The following ANKRD6 variants were observed in gnomAD, a reference collection of about 807,000 sequenced individuals.
ANKRD6 encodes ankyrin repeat domain 6.
A neutral mutation model predicts 82.3 loss-of-function variants in ANKRD6; 56 were observed. The observed-to-expected ratio is 0.68, with a 90% CI of 0.55 to 0.85. The LOEUF is 0.85. ANKRD6 is among the 40% of genes least tolerant of loss of function. ANKRD6 has a pLI of 0.00. For missense variants in ANKRD6, 852 were observed against 907.6 expected (o/e 0.94, Z 0.79); for synonymous variants, 347 against 352.1 (o/e 0.99, Z 0.16).
At chr6:89,485,943 T>C (rs1351405440) in intron 1 of ANKRD6, among the ~76,000 whole-genome samples, 1 of 152,214 alleles carries the variant, frequency 6.6e-6, no homozygotes, top group East Asian at 1.9e-4. Flanking sequence ...ACCTGAAGCA[T>C]GCGTTTTAAT....
chr6:89,540,476 G>C (rs1404240766), intron 1 of ANKRD6, among the ~76,000 whole-genome samples: 1 of 152,030 alleles, frequency 6.6e-6, no homozygotes, highest in Non-Finnish European at 1.5e-5. Context: ...TGGATTGTTA[G>C]ATTATTTTCC....
At chr6:89,449,029 C>CA (rs368751340) in intron 1 of ANKRD6, among the ~76,000 whole-genome samples, 3,193 of 50,780 alleles carry the variant, frequency 0.063, 215 homozygotes, top group African/African-American at 0.18. Context: ...GACTCCGTCT[C>CA]AAAAAAAAAA....
intron 1 of ANKRD6, among the ~76,000 whole-genome samples, chr6:89,528,827 T>C (rs1270751119): frequency 6.6e-6 from 1 of 152,248 alleles, no homozygotes; most frequent in Non-Finnish European, 1.5e-5. Context: ...TACATCTCCA[T>C]CAGAGCTCTT....
intron 1 of ANKRD6, among the ~76,000 whole-genome samples, chr6:89,504,254 T>G (rs182336124): frequency 5.9e-5 from 9 of 152,022 alleles, no homozygotes; most frequent in Admixed American, 5.2e-4. Flanking sequence ...GGGAGAATGA[T>G]CGTATCCATT....
chr6:89,523,095 A>T (rs1301082972), intron 1 of ANKRD6, among the ~76,000 whole-genome samples: 1 of 152,282 alleles, frequency 6.6e-6, no homozygotes. Flanking sequence ...AGTTTGTTTT[A>T]TTCTCACTTA....
chr6:89,447,936 C>T (rs1308876357), intron 1 of ANKRD6, among the ~76,000 whole-genome samples: 6 of 151,572 alleles, frequency 4.0e-5, no homozygotes, highest in Non-Finnish European at 8.8e-5. Flanking sequence ...ATCCGCCTGC[C>T]TCGGCCTCCC....
chr6:89,528,625 A>G (rs1562728405), intron 1 of ANKRD6, among the ~76,000 whole-genome samples: 1 of 152,218 alleles, frequency 6.6e-6, no homozygotes, highest in Non-Finnish European at 1.5e-5. Flanking sequence ...TCCTAATGGC[A>G]TCTAGAATGT....
At chr6:89,544,020 A>G (rs1583191232) in intron 1 of ANKRD6, among the ~76,000 whole-genome samples, 1 of 152,210 alleles carries the variant, frequency 6.6e-6, no homozygotes, top group South Asian at 2.1e-4. Flanking sequence ...AACAGAGGAC[A>G]AAACCACTGA....
Position 89,567,019 on chromosome 6 carries a change from C to T in ANKRD6, c.43C>T (p.Leu15Phe). The change falls in exon 2 of 16, where the codon CTC becomes TTC. Residue 15 changes from leucine to phenylalanine, a missense_variant. Leu to Phe is a conservative substitution (Grantham distance 22). Coordinates refer to ENST00000339746, the MANE Select transcript of ANKRD6 (RefSeq NM_001242809.2). ...GGTCGCTGCACTTTCAGAGCGCCTT[C>T]TCGTAGCTGCGTACAAAGGCCAAAC... ...DAVAALSERL[L>F]VAAYKGQTEN... The T allele has an allele frequency of 6.2e-7, 1 of 1,605,876 alleles. No homozygotes were observed. Among genetic ancestry groups the T allele is most frequent in the Non-Finnish European group, 8.5e-7 (1 of 1,176,048 alleles).
At chr6:89,495,598 C>T (rs1778515489) in intron 1 of ANKRD6, among the ~76,000 whole-genome samples, 2 of 152,024 alleles carry the variant, frequency 1.3e-5, no homozygotes, top group Non-Finnish European at 2.9e-5. Context: ...TAGGGAAGCC[C>T]TACTTTCTTA....
chr6:89,606,908 G>A (rs1798761264), intron 5 of ANKRD6, among the ~76,000 whole-genome samples: 1 of 151,986 alleles, frequency 6.6e-6, no homozygotes, highest in South Asian at 2.1e-4. Flanking sequence ...AGTGGCTTAT[G>A]CCTGTAATCC....
chr6:89,507,171 G>T (rs770847094), intron 1 of ANKRD6, among the ~76,000 whole-genome samples: 1 of 152,108 alleles, frequency 6.6e-6, no homozygotes, highest in Non-Finnish European at 1.5e-5. Flanking sequence ...ATTTTGGTTT[G>T]TTTATATTTG....
chr6:89,542,325 G>A (rs1784536840), intron 1 of ANKRD6, among the ~76,000 whole-genome samples: 1 of 152,140 alleles, frequency 6.6e-6, no homozygotes, highest in Non-Finnish European at 1.5e-5. Context: ...TCTAGTTGCT[G>A]CTTGTCTCTT....
intron 1 of ANKRD6, among the ~76,000 whole-genome samples, chr6:89,452,906 TTTC>T (rs1208679712): frequency 6.6e-6 from 1 of 152,206 alleles, no homozygotes; most frequent in Non-Finnish European, 1.5e-5. Context: ...TTCTGTGGCT[TTTC>T]TTTTCTTTTT....
intron 1 of ANKRD6, among the ~76,000 whole-genome samples, chr6:89,556,771 G>C (rs1005740305): frequency 6.6e-6 from 1 of 152,166 alleles, no homozygotes; most frequent in African/African-American, 2.4e-5. Flanking sequence ...GGCGGGCATT[G>C]AATAAAATGT....
Position 89,632,738 on chromosome 6 carries a change from C to T in ANKRD6, c.*1734C>T, listed in dbSNP as rs1807655346. The T allele has an allele frequency of 6.6e-6, 1 of 152,174 alleles. No individual in the cohort carries two copies. The highest frequency in any genetic ancestry group is 2.1e-4 in the South Asian group (1 of 4,830). The allele number at this position is 152,174 out of a possible 1,614,324, so 9.4% of individuals were successfully genotyped here. On this transcript the variant is annotated 3_prime_UTR_variant, in exon 16 of 16. Transcript: ENST00000339746. ...GACTCATTAGATTGCAATATAGAGG[C>T]ACTTTCTCATTTCCCTATTGTTCCT...
At chr6:89,511,023 G>C (rs1433861115) in intron 1 of ANKRD6, among the ~76,000 whole-genome samples, 4 of 152,178 alleles carry the variant, frequency 2.6e-5, no homozygotes, top group South Asian at 2.1e-4. Flanking sequence ...AGAGACTTCT[G>C]TGTCAGGGCT....
At chr6:89,625,059 G>C (rs993037913) in intron 13 of ANKRD6, among the ~76,000 whole-genome samples, 2 of 152,160 alleles carry the variant, frequency 1.3e-5, no homozygotes, top group Non-Finnish European at 2.9e-5. Context: ...AAGGCAGGCA[G>C]ATCACTTGAG....
At chr6:89,576,206 C>T (rs56405258) in intron 2 of ANKRD6, among the ~76,000 whole-genome samples, 50,160 of 151,950 alleles carry the variant, frequency 0.33, 8,551 homozygotes, top group South Asian at 0.59. Flanking sequence ...CGCCTGCCAC[C>T]ACGCCTGGCT....
Sources: allele counts gnomAD v4.1 joint callset (sites outside exome capture counted in the v4.1 genomes callset), GRCh38; gene constraint gnomAD v4.1.1; transcripts MANE v1.5; gene names NCBI Gene and HGNC (gene_info 2026-07-23, HGNC 2026-07-21).